RASSF2: variants seen among roughly 807,000 people sequenced by gnomAD.
The protein encoded by RASSF2 is ras association domain-containing protein 2.
Under a neutral mutation model 46.3 loss-of-function variants are expected in RASSF2, and 34 were observed. The observed-to-expected ratio is 0.73, with a 90% CI of 0.56 to 0.98. The LOEUF (loss-of-function observed/expected upper bound fraction) is 0.98. Ranked by LOEUF, RASSF2 falls within the 50% of genes least tolerant of loss-of-function variation. The pLI, the probability that RASSF2 is intolerant of heterozygous loss-of-function variation, is 0.00. For missense variants in RASSF2, 364 were observed against 431.2 expected (o/e 0.84, Z 1.38); for synonymous variants, 158 against 162.5 (o/e 0.97, Z 0.21).
intron 10 of RASSF2, among the ~76,000 whole-genome samples, chr20:4,786,842 G>A (rs1225720659): frequency 6.6e-6 from 1 of 152,108 alleles, no homozygotes; most frequent in Non-Finnish European, 1.5e-5. Context: ...CCGGCACTTT[G>A]GGAGGCTGAG....
At position 4,784,334 on chromosome 20, in the gene RASSF2, A is replaced by G; in HGVS notation, c.920T>C (p.Val307Ala). The G allele has an allele frequency of 6.2e-7, 1 of 1,613,800 alleles. No homozygotes were observed. The highest frequency in any genetic ancestry group is 8.5e-7 in the Non-Finnish European group (1 of 1,179,818). The change falls in exon 12 of 12, where the codon GTG (valine) becomes GCG (alanine). Residue 307 changes from valine to alanine, a missense_variant. Coordinates refer to ENST00000379400, the MANE Select transcript of RASSF2 (RefSeq NM_014737.3). ...EVKKLMRKYT[V>A]LRLMIRQRLE... ...CCTCTGTCGAATCATTAGCCGGAGC[A>G]CGGTGTACCTGGAGACAAGAAACAG...
chr20:4,786,392 G>T, intron 10 of RASSF2, 64 bp from the exon 11 acceptor site: 1 of 1,348,650 alleles, frequency 7.4e-7, no homozygotes, highest in Non-Finnish European at 1.1e-6. Flanking sequence ...TCCTTTCAGG[G>T]TTGTCCTTAT....
intron 11 of RASSF2, among the ~76,000 whole-genome samples, chr20:4,785,934 A>G (rs1203569829): frequency 2.0e-5 from 3 of 152,214 alleles, no homozygotes; most frequent in African/African-American, 7.2e-5. Flanking sequence ...TTCTGCATCT[A>G]GACCCCAAAG....
chr20:4,802,499 AG>A lies in RASSF2; in HGVS notation c.-32-1438del, dbSNP rs1176959389. Among the ~76,000 whole-genome samples, 7 of 152,370 alleles carry A rather than the reference AG, an allele frequency of 4.6e-5. No individual in the cohort carries two copies. In the East Asian group the frequency reaches 1.3e-3, roughly 29 times the overall value. On this transcript the variant is annotated intron_variant, in intron 2 of 11. Coordinates refer to ENST00000379400, the MANE Select transcript of RASSF2 (RefSeq NM_014737.3). ...AGTGGAATATTATTCAGCCTTAAAA[AG>A]GAAGGAAAGGCTGGCACATGCTAGA...
Position 4,795,531 on chromosome 20 carries a change from G to C in RASSF2, c.287+284C>G. 2 of 308,864 alleles carry C rather than the reference G, an allele frequency of 6.5e-6. No homozygotes were observed. The highest frequency in any genetic ancestry group is 6.0e-6 in the Non-Finnish European group (1 of 166,276). The allele number at this position is 308,864 out of a possible 1,614,324, so 19.1% of individuals were successfully genotyped here. A position where few individuals can be genotyped will look rare whatever the true frequency, so the allele number is the denominator to read the frequency against. ...AGCAGCTCCACTCAGAGACTCCTGA[G>C]TTCTCCCTAAGGGAGGACTCTGACT... On this transcript the variant is annotated intron_variant, in intron 5 of 11. Coordinates refer to ENST00000379400, the MANE Select transcript of RASSF2 (RefSeq NM_014737.3). This position sits in a 1 kb window ranked among gnomAD's most constrained non-coding sequence, Gnocchi z 4.0.
intron 11 of RASSF2, 53 bp from the exon 12 acceptor site, chr20:4,784,395 C>T (rs1018408792): frequency 2.0e-5 from 31 of 1,554,300 alleles, no homozygotes; most frequent in Non-Finnish European, 2.8e-5. Context: ...ACACCCCTGC[C>T]CAGGACCTTC....
At chr20:4,804,333 C>T (rs192464471) in intron 2 of RASSF2, among the ~76,000 whole-genome samples, 71 of 147,894 alleles carry the variant, frequency 4.8e-4, no homozygotes, top group African/African-American at 1.5e-3. Context: ...AAAGGAAAGT[C>T]GAGCTAGTGA....
At chr20:4,789,749 G>A (rs978700276) in intron 7 of RASSF2, 52 bp from the exon 8 acceptor site, 6 of 1,496,242 alleles carry the variant, frequency 4.0e-6, no homozygotes, top group Middle Eastern at 1.9e-4. Flanking sequence ...AGGACCCAGT[G>A]CTAAAATCCA....
intron 2 of RASSF2, among the ~76,000 whole-genome samples, chr20:4,817,451 C>A (rs1928400585): frequency 6.6e-6 from 1 of 152,158 alleles, no homozygotes; most frequent in African/African-American, 2.4e-5. Context: ...TCTCTTTCTC[C>A]ACACAGACTT....
chr20:4,805,603 G>C (rs755946067), intron 2 of RASSF2, among the ~76,000 whole-genome samples: 2 of 152,016 alleles, frequency 1.3e-5, no homozygotes, highest in Non-Finnish European at 2.9e-5. Context: ...GGGGAATTCC[G>C]AGGGCAGGGA....
At chr20:4,788,926 C>T (rs762356701) in intron 8 of RASSF2, among the ~76,000 whole-genome samples, 15 of 152,136 alleles carry the variant, frequency 9.9e-5, no homozygotes, top group Non-Finnish European at 1.8e-4. Flanking sequence ...TTTATGATGA[C>T]GAAGCAGAGG....
rs1924748113 is a variant in RASSF2 at position 4,780,923 on chromosome 20, C to T, written c.*3350G>A. ...GGCGGATGTTGCAGTGAGCTGAGAT[C>T]CCACCACTGCACTCCAGCCTGGGAA... is the stretch of plus-strand genomic sequence containing the variant. On this transcript the variant is annotated 3_prime_UTR_variant, in exon 12 of 12. Transcript: ENST00000379400. The T allele has an allele frequency of 6.6e-6, 1 of 151,710 alleles. No individual in the cohort carries two copies. The highest frequency in any genetic ancestry group is 6.6e-5 in the Admixed American group (1 of 15,238). 9.4% of individuals were successfully genotyped at this position (151,710 alleles called of 1,614,324 possible).
Position 4,797,404 on chromosome 20 carries a change from C to T in RASSF2, c.135+606G>A, listed in dbSNP as rs577352866. On this transcript the variant is annotated intron_variant, in intron 4 of 11. Coordinates refer to ENST00000379400, the MANE Select transcript of RASSF2 (RefSeq NM_014737.3). ...TAGGGACCTTTTTATCAGTCACAGG[C>T]GCTTGAGTATAAAGTACCCTACCAG... Among the ~76,000 whole-genome samples the T allele has an allele frequency of 1.2e-4, 19 of 152,248 alleles. No homozygotes were observed. The South Asian group carries it at 1.5e-3, about 12-fold the overall frequency.
intron 2 of RASSF2, among the ~76,000 whole-genome samples, chr20:4,815,362 A>G (rs1928219839): frequency 6.8e-6 from 1 of 146,128 alleles, no homozygotes; most frequent in South Asian, 2.2e-4. Flanking sequence ...ACGGCACTTT[A>G]GGAAGGGGCA....
chr20:4,795,668 C>T lies in RASSF2; in HGVS notation c.287+147G>A. On this transcript the variant is annotated intron_variant, in intron 5 of 11. Transcript: ENST00000379400. The surrounding 1 kb of genome is among the most constrained non-coding windows in gnomAD (Gnocchi z 4.0). ...CACATCTGCTGCTTGTTCCTCATTC[C>T]AAGGCTAAGGCAGGTGGGCAGTAGA... The T allele has an allele frequency of 1.0e-6, 1 of 993,620 alleles. No individual in the cohort carries two copies. The highest frequency in any genetic ancestry group is 1.5e-6 in the Non-Finnish European group (1 of 689,242). 61.6% of individuals were successfully genotyped at this position (993,620 alleles called of 1,614,324 possible).
Position 4,784,353 on chromosome 20 carries a change from G to C in RASSF2, c.912-11C>G, listed in dbSNP as rs374416001. On this transcript the variant is annotated splice_polypyrimidine_tract_variant and intron_variant, in intron 11 of 11. Coordinates refer to ENST00000379400, the MANE Select transcript of RASSF2 (RefSeq NM_014737.3). ...CGGAGCACGGTGTACCTGGAGACAA[G>C]AAACAGGCTCAGATGGAGAGCAGCC... The C allele has an allele frequency of 1.2e-6, 2 of 1,612,764 alleles. No homozygotes were observed. Among genetic ancestry groups the C allele is most frequent in the African/African-American group, 2.7e-5 (2 of 74,816 alleles).
intron 10 of RASSF2, among the ~76,000 whole-genome samples, chr20:4,787,290 G>T (rs1925441424): frequency 6.6e-6 from 1 of 152,156 alleles, no homozygotes; most frequent in African/African-American, 2.4e-5. Flanking sequence ...TCCGCCATCT[G>T]CCATGAGGAC....
intron 9 of RASSF2, 131 bp downstream of exon 9, chr20:4,788,086 G>T: frequency 1.1e-6 from 1 of 907,706 alleles, no homozygotes; most frequent in Non-Finnish European, 1.8e-6. Flanking sequence ...AAGCCCATCA[G>T]CCTTGAAGGC....
intron 2 of RASSF2, among the ~76,000 whole-genome samples, chr20:4,804,795 A>C (rs1375856023): frequency 2.0e-5 from 3 of 152,136 alleles, no homozygotes; most frequent in African/African-American, 7.2e-5. Context: ...GTGGCTCAGC[A>C]GTCAAGGAAA....
Sources: gnomAD v4.1 joint callset for allele counts (sites outside exome capture counted in the v4.1 genomes callset) on GRCh38, gnomAD v4.1.1 for gene constraint, Gnocchi (gnomAD v3.1) non-coding constraint, MANE v1.5 for transcripts, NCBI Gene and HGNC (gene_info 2026-07-23, HGNC 2026-07-21) for gene names.